Variants in PDZD7 observed in about 807,000 individuals in gnomAD.
PDZD7 encodes the protein PDZ domain containing 7, also known as PDZ domain-containing protein 7.
In PDZD7, 72 loss-of-function variants were observed where a neutral mutation model predicts 84.7. The observed-to-expected ratio is 0.85, with a 90% CI of 0.70 to 1.03. The LOEUF (loss-of-function observed/expected upper bound fraction) is 1.03, where lower values mean the gene tolerates loss of function less well. PDZD7 is among the 50% of genes least tolerant of loss of function. The pLI, the probability that PDZD7 is intolerant of heterozygous loss-of-function variation, is 0.00. For missense variants in PDZD7, 1,490 were observed against 1,412.9 expected, an observed-to-expected ratio of 1.05 and a Z score of -0.87; for synonymous variants, 594 against 580.7, an observed-to-expected ratio of 1.02 and a Z score of -0.33.
intron 4 of PDZD7, 44 bp from the exon 5 acceptor site, chr10:101,022,429 T>G (rs745607533): frequency 1.1e-5 from 17 of 1,609,596 alleles, no homozygotes; most frequent in Admixed American, 1.7e-5. Flanking sequence ...CTCCATCCAC[T>G]GCCACCCACC....
chr10:101,017,770 G>A (rs181432748), intron 9 of PDZD7: 2 of 467,854 alleles, frequency 4.3e-6, no homozygotes, highest in Non-Finnish European at 7.3e-6. Flanking sequence ...TGGGCAACAA[G>A]AGCAAAACTC....
In PDZD7 at chr10:101,021,998, C is replaced by T. The variant is rs1474131407; in HGVS notation, c.720-53G>A. On this transcript the variant is annotated intron_variant, in intron 5 of 16. Transcript: ENST00000619208. ...AGGCCCCTGGCCTGCCCTCCGTTACCCCACTCCAGACCCCCTTCTCTTGGA... is the reference window on the plus strand; with the variant it reads ...AGGCCCCTGGCCTGCCCTCCGTTACTCCACTCCAGACCCCCTTCTCTTGGA... 2.5e-6 allele frequency: 4 copies of T among 1,603,550 alleles called. No homozygotes were observed. In the African/African-American group the frequency reaches 5.4e-5, roughly 21 times the overall value.
Position 101,023,472 on chromosome 10 carries a change from A to G in PDZD7, c.506T>C (p.Val169Ala), listed in dbSNP as rs546389459. The G allele has an allele frequency of 3.7e-6, 6 of 1,614,096 alleles. No individual in the cohort carries two copies. Among genetic ancestry groups the G allele is most frequent in the Non-Finnish European group, 5.1e-6 (6 of 1,180,016 alleles). ...CTCCTTGGAGAACTTGATGCCCGGC[A>G]CACGGCCCATGCGCCGAACCATCAT... ...LHMMVRRMGR[V>A]PGIKFSKEKT... The change falls in exon 4 of 17, where the codon GTG becomes GCG. Residue 169 changes from valine to alanine, a missense_variant. Transcript: ENST00000619208.
At chr10:101,018,740 G>A in intron 8 of PDZD7, 82 bp downstream of exon 8, 1 of 1,464,318 alleles carries the variant, frequency 6.8e-7, no homozygotes, top group East Asian at 2.4e-5. Flanking sequence ...GGCAAAGGGA[G>A]GTTTGAGCCC....
intron 11 of PDZD7, among the ~76,000 whole-genome samples, chr10:101,013,276 G>A (rs2134010093): frequency 6.6e-6 from 1 of 152,302 alleles, no homozygotes; most frequent in South Asian, 2.1e-4. Context: ...CCATGGACTT[G>A]GATTCGGTAC....
chr10:101,026,653 C>T (rs1231406782), intron 2 of PDZD7, among the ~76,000 whole-genome samples: 1 of 131,804 alleles, frequency 7.6e-6, no homozygotes, highest in Non-Finnish European at 1.6e-5. Flanking sequence ...AGGTGTTTGA[C>T]AGGGAGAAAT....
At chr10:101,029,075 A>T (rs1029927092) in intron 2 of PDZD7, among the ~76,000 whole-genome samples, 3 of 152,192 alleles carry the variant, frequency 2.0e-5, no homozygotes, top group Non-Finnish European at 4.4e-5. Context: ...GGAGCTGGAG[A>T]TATTTATCTG....
Position 101,018,975 on chromosome 10 carries a change from T to G in PDZD7, c.1171A>C (p.Ile391Leu). The part of the protein sequence containing the change: ...ETWCSVRPTV[I>L]LRDTAIRSDG... Reference sequence around the variant, plus strand: ...GAGCGGATGGCGGTGTCCCTGAGGATGACTGTGGGCCGCACGCTGCACCAG... The same window carrying G: ...GAGCGGATGGCGGTGTCCCTGAGGAGGACTGTGGGCCGCACGCTGCACCAG... The change falls in exon 8 of 17, where the codon ATC (isoleucine) becomes CTC (leucine). Residue 391 changes from isoleucine to leucine, a missense_variant. By Grantham distance (5) the Ile-to-Leu change is conservative. Transcript: ENST00000619208. 1.3e-6 allele frequency: 2 copies of G among 1,591,170 alleles called. No homozygotes were observed. Among genetic ancestry groups the G allele is most frequent in the Non-Finnish European group, 1.7e-6 (2 of 1,169,852 alleles).
Position 101,030,167 on chromosome 10 carries a change from C to G in PDZD7, c.53G>C (p.Ser18Thr). The change falls in exon 2 of 17, where the codon AGC (serine) becomes ACC (threonine). Residue 18 changes from serine (S) to threonine (T), a missense_variant. Coordinates refer to ENST00000619208, the MANE Select transcript of PDZD7 (RefSeq NM_001195263.2). Reference sequence around the variant, plus strand: ...GGAGAGGGAGCTCAGAGAGCCGGAGCTCAGGTCTCCTAGGCCCAGTGGGTC... The same window carrying G: ...GGAGAGGGAGCTCAGAGAGCCGGAGGTCAGGTCTCCTAGGCCCAGTGGGTC... ...GFDPLGLGDL[S>T]SGSLSSLSSR... 1 of 1,613,812 alleles carries G rather than the reference C, an allele frequency of 6.2e-7. No individual in the cohort carries two copies. The highest frequency in any genetic ancestry group is 8.5e-7 in the Non-Finnish European group (1 of 1,179,938).
At position 101,009,254 on chromosome 10, in the gene PDZD7, AG is replaced by A. The variant is rs2133994286; in HGVS notation, c.2713del (p.Leu905CysfsTer15). On this transcript the variant is annotated frameshift_variant, in exon 16 of 17. Coordinates refer to ENST00000619208, the MANE Select transcript of PDZD7 (RefSeq NM_001195263.2). LOFTEE classifies it low-confidence loss of function (END_TRUNC). ...PGGAAFLSGA[L>X]QAGFELVAVD... ...GCCAGGGCATGCTTCACCCACCTGC[AG>A]GGCCCCACTGAGGAAAGCGGCCCCC... 1 of 1,535,294 alleles carries A rather than the reference AG, an allele frequency of 6.5e-7. No individual in the cohort carries two copies.
chr10:101,019,078 G>A lies in PDZD7; in HGVS notation c.1068C>T (p.Pro356=). 6.4e-7 allele frequency: 1 copy of A among 1,569,596 alleles called. No homozygotes were observed. The highest frequency in any genetic ancestry group is 8.6e-7 in the Non-Finnish European group (1 of 1,164,576). ...GCCCCCAGCCTGGGCCGCGGCTGCC[G>A]GGCTCCTCCTGCCCGAGGCAGATGT... ...RMDICLGQEE[P]GSRGPGWGRA... is the part of the protein sequence containing the mutation. Residue 356 remains proline (P), a synonymous_variant, in exon 8 of 17, where the codon CCC becomes CCT. Coordinates refer to ENST00000619208, the MANE Select transcript of PDZD7 (RefSeq NM_001195263.2).
chr10:101,030,333 G>C lies in PDZD7; in HGVS notation c.-114C>G. 1.1e-6 allele frequency: 1 copy of C among 895,746 alleles called. No individual in the cohort carries two copies. The highest frequency in any genetic ancestry group is 1.4e-5 in the South Asian group (1 of 70,760). The allele number at this position is 895,746 out of a possible 1,614,324, so 55.5% of individuals were successfully genotyped here. A position where few individuals can be genotyped will look rare whatever the true frequency, so the allele number is the denominator to read the frequency against. ...GCCTCTGTGCGGGGCTGGGGTCTCAGTAACGTGAAGGCCCTCGCTTGCGAT... is the reference window on the plus strand; with the variant it reads ...GCCTCTGTGCGGGGCTGGGGTCTCACTAACGTGAAGGCCCTCGCTTGCGAT... On this transcript the variant is annotated 5_prime_UTR_variant, in exon 2 of 17. Transcript: ENST00000619208.
At chr10:101,017,841 A>AAG (rs1554834566) in intron 9 of PDZD7, 5 of 267,042 alleles carry the variant, frequency 1.9e-5, no homozygotes, top group Non-Finnish European at 3.1e-5. Context: ...GAAGGAAGGA[A>AAG]AGAAAGAAAG....
chr10:101,017,788 A>C (rs1255336771), intron 9 of PDZD7: 14 of 442,428 alleles, frequency 3.2e-5, no homozygotes, highest in Admixed American at 2.1e-4. Context: ...CTCCATCTCA[A>C]AAAAAAAAAA....
intron 4 of PDZD7, among the ~76,000 whole-genome samples, chr10:101,022,840 T>C (rs539484878): frequency 6.6e-6 from 1 of 152,230 alleles, no homozygotes; most frequent in African/African-American, 2.4e-5. Flanking sequence ...TGGTATGATC[T>C]CGGCTCACTG....
At chr10:101,023,889 C>T (rs759223952) in intron 3 of PDZD7, 39 bp downstream of exon 3, 2 of 1,614,146 alleles carry the variant, frequency 1.2e-6, no homozygotes, top group Non-Finnish European at 1.7e-6. Flanking sequence ...ATTGGAGTCA[C>T]ATCCTAAGCG....
chr10:101,016,274 C>T, intron 10 of PDZD7, 103 bp downstream of exon 10: 5 of 1,220,980 alleles, frequency 4.1e-6, no homozygotes, highest in Non-Finnish European at 4.7e-6. Context: ...CATGCTTGAC[C>T]CTGACTGAAT....
At position 101,009,483 on chromosome 10, in the gene PDZD7, CA is replaced by C. The variant is rs1852319199; in HGVS notation, c.2618-134del. On this transcript the variant is annotated intron_variant, in intron 15 of 16. Transcript: ENST00000619208. Reference sequence around the variant, plus strand: ...CACATCCCTACATTCTGTTACTACTCAAATCTCAACTCATTCCAAAATCCTC... The same window carrying C: ...CACATCCCTACATTCTGTTACTACTCAATCTCAACTCATTCCAAAATCCTC... 4.2e-6 allele frequency: 3 copies of C among 711,544 alleles called. No homozygotes were observed. The Admixed American group carries it at 6.5e-5, about 15-fold the overall frequency. The allele number at this position is 711,544 out of a possible 1,614,324, so 44.1% of individuals were successfully genotyped here.
rs895165820 is a variant in PDZD7, at chr10:101,016,406, T to C, written c.1544A>G (p.Gln515Arg). The change falls in exon 10 of 17, where the codon CAG becomes CGG. Residue 515 changes from glutamine to arginine, a missense_variant. By Grantham distance (43) the Gln-to-Arg change is conservative (BLOSUM62 1). Transcript: ENST00000619208. The stretch of plus-strand genomic sequence containing the variant: ...TCTCAGTCTCCAGGTGACAAACTTC[T>C]GTACCGGGCCCACGCCCCCTGCTAT... Reference protein sequence around the residue: ...IEKAGGVGPVQKFVTWRLRRD... With the variant: ...IEKAGGVGPVRKFVTWRLRRD... 5 of 1,550,580 alleles carry C rather than the reference T, an allele frequency of 3.2e-6. No homozygotes were observed. The highest frequency in any genetic ancestry group is 4.4e-6 in the Non-Finnish European group (5 of 1,147,022).
Sources: gnomAD v4.1 joint callset for allele counts (sites outside exome capture counted in the v4.1 genomes callset) on GRCh38, gnomAD v4.1.1 for gene constraint, MANE v1.5 for transcripts, NCBI Gene and HGNC (gene_info 2026-07-23, HGNC 2026-07-21) for gene names.